Variants in TMEM209 observed in about 807,000 individuals in gnomAD.
TMEM209 encodes the protein testicular tissue protein Li 202.
In TMEM209, 65 loss-of-function variants were observed where a neutral mutation model predicts 76.2. The ratio of observed to expected loss-of-function variants is 0.85; its 90% confidence interval spans 0.70 to 1.05. The LOEUF (loss-of-function observed/expected upper bound fraction) is 1.05, where lower values mean the gene tolerates loss of function less well. Ranked by LOEUF, TMEM209 falls within the 50% of genes least tolerant of loss-of-function variation. The pLI is 0.00. For missense variants in TMEM209, 623 were observed against 685.5 expected, an observed-to-expected ratio of 0.91 and a Z score of 1.02; for synonymous variants, 239 against 237.6, an observed-to-expected ratio of 1.01 and a Z score of -0.06.
chr7:130,193,317 G>A (rs1263016880), intron 5 of TMEM209, among the ~76,000 whole-genome samples: 1 of 152,158 alleles, frequency 6.6e-6, no homozygotes, highest in African/African-American at 2.4e-5. Flanking sequence ...AGGCTGAGGT[G>A]GGCGGATCAC....
intron 5 of TMEM209, among the ~76,000 whole-genome samples, chr7:130,201,032 T>G (rs1798175813): frequency 8.0e-6 from 1 of 124,972 alleles, no homozygotes; most frequent in Non-Finnish European, 1.5e-5. Context: ...GAGTTTGCAG[T>G]GAGCTGAGAT....
Position 130,166,417 on chromosome 7 carries a change from A to G in TMEM209, c.*34T>C. On this transcript the variant is annotated 3_prime_UTR_variant, in exon 15 of 15. Coordinates refer to ENST00000397622, the MANE Select transcript of TMEM209 (RefSeq NM_032842.4). ...TAGTTTCGACTTCTGGTTCAGTGAA[A>G]TAGTCTAAATGTCAGAATTAAATAT... 6.6e-7 allele frequency: 1 copy of G among 1,516,788 alleles called. No individual in the cohort carries two copies. Among genetic ancestry groups the G allele is most frequent in the East Asian group, 2.5e-5 (1 of 39,976 alleles). 94.0% of individuals were successfully genotyped at this position (1,516,788 alleles called of 1,614,324 possible).
rs746290811 is a variant in TMEM209 at position 130,170,407 on chromosome 7, T to A, written c.1624A>T (p.Met542Leu). The change falls in exon 14 of 15, where the codon ATG becomes TTG. Residue 542 changes from methionine to leucine, a missense_variant. Physicochemically the swap from Met to Leu is conservative, Grantham distance 15 (BLOSUM62 2). Transcript: ENST00000397622. ...TAAAGCATAAGTACCTACCCAAGCA[T>A]TCCTGACTCTTTGGTCTTTATGATG... ...LYIIKTKESG[M>L]LGRVNLGLSG... The A allele has an allele frequency of 3.1e-6, 5 of 1,612,278 alleles. No individual in the cohort carries two copies. The highest frequency in any genetic ancestry group is 4.2e-6 in the Non-Finnish European group (5 of 1,179,216).
chr7:130,179,979 A>G (rs564428320), intron 9 of TMEM209, among the ~76,000 whole-genome samples: 19 of 152,268 alleles, frequency 1.2e-4, no homozygotes, highest in African/African-American at 4.1e-4. Context: ...AACAATAACA[A>G]AAATCTTAAA....
At chr7:130,200,687 T>C (rs1398227947) in intron 5 of TMEM209, among the ~76,000 whole-genome samples, 1 of 152,186 alleles carries the variant, frequency 6.6e-6, no homozygotes, top group Non-Finnish European at 1.5e-5. Context: ...TTTTTAAAAG[T>C]CACATTTACC....
Position 130,194,338 on chromosome 7 carries a change from C to CAA in TMEM209, c.574-1517_574-1516dup, listed in dbSNP as rs35357525. Among the ~76,000 whole-genome samples the CAA allele has an allele frequency of 3.8e-3, 524 of 139,478 alleles. 3 individuals carry two copies. The highest frequency in any genetic ancestry group is 0.012 in the African/African-American group (449 of 38,078). 91.5% of individuals were successfully genotyped at this position (139,478 alleles called of 152,430 possible). On this transcript the variant is annotated intron_variant, in intron 5 of 14. Coordinates refer to ENST00000397622, the MANE Select transcript of TMEM209 (RefSeq NM_032842.4). ...AACTGCTCTAAAAAATAAAGTCCAT[C>CAA]AAAAAAAAAAAAGGTAACTCATGGA...
chr7:130,176,217 A>G (rs1453244377), intron 10 of TMEM209, among the ~76,000 whole-genome samples: 1 of 149,756 alleles, frequency 6.7e-6, no homozygotes, highest in Non-Finnish European at 1.5e-5. Flanking sequence ...GGTTCCCACC[A>G]TTCTCCTGCC....
At chr7:130,174,248 T>C (rs150172186) in intron 11 of TMEM209, among the ~76,000 whole-genome samples, 11 of 152,346 alleles carry the variant, frequency 7.2e-5, no homozygotes, top group African/African-American at 2.2e-4. Flanking sequence ...GACATGAAGC[T>C]AGGCTTAATT....
intron 1 of TMEM209, chr7:130,204,996 G>T (rs1226649628): frequency 1.9e-5 from 22 of 1,165,680 alleles, no homozygotes; most frequent in Non-Finnish European, 2.0e-5. Context: ...GGAGTAAGAG[G>T]GAGAGAGGGG....
At position 130,190,696 on chromosome 7, in the gene TMEM209, G is replaced by A. The variant is rs547492427; in HGVS notation, c.775+1926C>T. ...TAATCTTAAAAGGATGTTAGAACTA[G>A]TAAGTCAAAGTTTGATGGGGTCAGG... On this transcript the variant is annotated intron_variant, in intron 6 of 14. Coordinates refer to ENST00000397622, the MANE Select transcript of TMEM209 (RefSeq NM_032842.4). Among the ~76,000 whole-genome samples, 13 of 152,184 alleles carry A rather than the reference G, an allele frequency of 8.5e-5. No homozygotes were observed. In the South Asian group the frequency reaches 2.7e-3, roughly 32 times the overall value.
At chr7:130,184,115 A>G in intron 8 of TMEM209, 69 bp downstream of exon 8, 1 of 1,060,858 alleles carries the variant, frequency 9.4e-7, no homozygotes, top group Middle Eastern at 2.1e-4. Flanking sequence ...ACTCTAAATG[A>G]TATTCTAATA....
At chr7:130,205,072 C>A in intron 1 of TMEM209, 1 of 1,357,062 alleles carries the variant, frequency 7.4e-7, no homozygotes, top group African/African-American at 1.5e-5. Context: ...CTAGGCTCAA[C>A]TCTTACAGAC....
intron 8 of TMEM209, among the ~76,000 whole-genome samples, chr7:130,183,222 A>G (rs1475654463): frequency 6.6e-6 from 1 of 152,218 alleles, no homozygotes; most frequent in Non-Finnish European, 1.5e-5. Flanking sequence ...TCATCCTTCC[A>G]ACATTTACTA....
intron 1 of TMEM209, among the ~76,000 whole-genome samples, chr7:130,204,554 C>G (rs1435855129): frequency 6.6e-6 from 1 of 152,180 alleles, no homozygotes; most frequent in Non-Finnish European, 1.5e-5. Flanking sequence ...TTTGGCCAGG[C>G]TGGTCTCGAA....
chr7:130,192,597 T>C, intron 6 of TMEM209, 25 bp downstream of exon 6: 3 of 1,583,976 alleles, frequency 1.9e-6, no homozygotes, highest in South Asian at 1.1e-5. Flanking sequence ...ATATGTATAG[T>C]AGATATACAG....
At position 130,188,267 on chromosome 7, in the gene TMEM209, T is replaced by C. The variant is rs139243377; in HGVS notation, c.776-2900A>G. Among the ~76,000 whole-genome samples the C allele has an allele frequency of 2.0e-5, 3 of 152,282 alleles. No individual in the cohort carries two copies. In the East Asian group the frequency reaches 5.8e-4, roughly 29 times the overall value. ...CAGAATGCTCCTCTTTAGAGAAGAA[T>C]GCCAAACTATGAAGTGTAGAAATAA... On this transcript the variant is annotated intron_variant, in intron 6 of 14. Transcript: ENST00000397622.
rs757793142 is a variant in TMEM209 at position 130,203,932 on chromosome 7, T to G, written c.140+42A>C. ...CACAAAAACCTGTGGAACCAGCCACTGGCTTCTTAAAGTTTCACTTTTTTT... is the reference window on the plus strand; with the variant it reads ...CACAAAAACCTGTGGAACCAGCCACGGGCTTCTTAAAGTTTCACTTTTTTT... On this transcript the variant is annotated intron_variant, in intron 2 of 14. Transcript: ENST00000397622. 8.1e-6 allele frequency: 13 copies of G among 1,606,470 alleles called. No individual in the cohort carries two copies. The South Asian group carries it at 1.5e-4, about 18-fold the overall frequency.
At chr7:130,189,999 C>A (rs924154525) in intron 6 of TMEM209, among the ~76,000 whole-genome samples, 3 of 152,032 alleles carry the variant, frequency 2.0e-5, no homozygotes, top group African/African-American at 7.2e-5. Context: ...AAAGGTGGCG[C>A]GGGCAGGGGG....
At chr7:130,183,638 A>G (rs866172554) in intron 8 of TMEM209, among the ~76,000 whole-genome samples, 52 of 152,332 alleles carry the variant, frequency 3.4e-4, no homozygotes, top group South Asian at 4.1e-4. Context: ...AACAGAACCC[A>G]GAACACACAG....
Sources: gnomAD v4.1 joint callset for allele counts (sites outside exome capture counted in the v4.1 genomes callset) on GRCh38, gnomAD v4.1.1 for gene constraint, MANE v1.5 for transcripts, NCBI Gene and HGNC (gene_info 2026-07-23, HGNC 2026-07-21) for gene names.